Variants in BBOF1 observed in about 807,000 individuals in gnomAD.
BBOF1 encodes basal body-orientation factor 1.
In BBOF1, 62 loss-of-function variants were observed where a neutral mutation model predicts 68.0. The observed-to-expected ratio is 0.91, with a 90% CI of 0.74 to 1.13. The LOEUF (loss-of-function observed/expected upper bound fraction) is 1.13. Ranked by LOEUF, BBOF1 falls within the 50% of genes most tolerant of loss-of-function variation. BBOF1 has a pLI of 0.00. For synonymous variants in BBOF1, 208 were observed against 198.8 expected, an observed-to-expected ratio of 1.05 and a Z score of -0.39; for missense variants, 534 against 600.1, an observed-to-expected ratio of 0.89 and a Z score of 1.15.
chr14:74,076,738 T>C (rs2060617612), intron 9 of BBOF1, among the ~76,000 whole-genome samples: 1 of 151,992 alleles, frequency 6.6e-6, no homozygotes, highest in African/African-American at 2.4e-5. Context: ...TTAGTAGAGA[T>C]GGGGTTTCAC....
At chr14:74,032,466 T>C (rs1236141378) in intron 3 of BBOF1, among the ~76,000 whole-genome samples, 1 of 150,856 alleles carries the variant, frequency 6.6e-6, no homozygotes, top group Non-Finnish European at 1.5e-5. Flanking sequence ...GAGAAATGGG[T>C]ATTTTTCAAT....
rs761757358 is a variant in BBOF1 at position 74,046,144 on chromosome 14, G to A, written c.647+14G>A. Reference sequence around the variant, plus strand: ...TGAGGCTATTGTGTAAGAGACTGCTGCCTACTTTCTGACTCTGATTACCTC... The same window carrying A: ...TGAGGCTATTGTGTAAGAGACTGCTACCTACTTTCTGACTCTGATTACCTC... On this transcript the variant is annotated intron_variant, in intron 6 of 11. Transcript: ENST00000394009. 23 of 1,590,646 alleles carry A rather than the reference G, an allele frequency of 1.4e-5. 1 individual carries two copies. The South Asian group carries it at 2.0e-4, about 14-fold the overall frequency.
At chr14:74,056,784 G>T (rs545326314) in intron 9 of BBOF1, 122 bp from the exon 10 acceptor site, 2 of 665,070 alleles carry the variant, frequency 3.0e-6, no homozygotes, top group Non-Finnish European at 5.3e-6. Context: ...CCACAAATAC[G>T]TATACCTACT....
At chr14:74,049,647 G>C (rs1194473145) in intron 7 of BBOF1, 55 bp from the exon 8 acceptor site, 1 of 1,444,530 alleles carries the variant, frequency 6.9e-7, no homozygotes, top group Non-Finnish European at 9.2e-7. Flanking sequence ...GGGCGACAGA[G>C]CAAGATTCCA....
At chr14:74,021,152 G>C (rs908401453) in intron 1 of BBOF1, among the ~76,000 whole-genome samples, 1 of 152,082 alleles carries the variant, frequency 6.6e-6, no homozygotes, top group African/African-American at 2.4e-5. Flanking sequence ...ATATATCATG[G>C]TACCTACCAT....
At chr14:74,040,698 T>C in intron 5 of BBOF1, 53 bp downstream of exon 5, 1 of 1,031,862 alleles carries the variant, frequency 9.7e-7, no homozygotes. Flanking sequence ...AACATAAGTG[T>C]ATTTATATGC....
rs1404612376 is a variant in BBOF1, at chr14:74,049,895, A to G, written c.986A>G (p.Asp329Gly). The change falls in exon 8 of 12, where the codon GAC becomes GGC. Residue 329 changes from aspartate (D) to glycine (G), a missense_variant. Coordinates refer to ENST00000394009, the MANE Select transcript of BBOF1 (RefSeq NM_025057.3). ...AACCAAGCAGGTCAGGTAGAAATTG[A>G]CAAGCTGCAGCACCTTCTTCAGATG... ...IENQAGQVEI[D>G]KLQHLLQMKD... is the part of the protein sequence containing the mutation. 6 of 1,614,060 alleles carry G rather than the reference A, an allele frequency of 3.7e-6. No homozygotes were observed. Among genetic ancestry groups the G allele is most frequent in the South Asian group, 1.1e-5 (1 of 91,090 alleles).
chr14:74,055,913 G>T (rs1302633856), intron 9 of BBOF1, among the ~76,000 whole-genome samples: 3 of 152,164 alleles, frequency 2.0e-5, no homozygotes, highest in South Asian at 4.1e-4. Flanking sequence ...GGAGGGGAAA[G>T]ATTCATCTTA....
At position 74,057,205 on chromosome 14, in the gene BBOF1, T is replaced by C. The variant is rs1396607704; in HGVS notation, c.1525T>C (p.Ser509Pro). 26 of 1,613,996 alleles carry C rather than the reference T, an allele frequency of 1.6e-5. No individual in the cohort carries two copies. The highest frequency in any genetic ancestry group is 2.2e-5 in the Non-Finnish European group (26 of 1,179,994). The stretch of plus-strand genomic sequence containing the variant: ...CCAGCAAATTGCAATATCAGACTCT[T>C]CTGGTGAAGTGGTGCTACCCACTAT... Reference protein sequence around the residue: ...ITQQIAISDSSGEVVLPTIPK... With the variant: ...ITQQIAISDSPGEVVLPTIPK... The change falls in exon 11 of 12, where the codon TCT becomes CCT. Residue 509 changes from serine (S) to proline (P), a missense_variant. Ser to Pro is a moderately conservative substitution (Grantham distance 74). Transcript: ENST00000394009.
intron 11 of BBOF1, among the ~76,000 whole-genome samples, chr14:74,061,226 C>G (rs1199638667): frequency 2.0e-5 from 3 of 152,036 alleles, no homozygotes; most frequent in African/African-American, 7.2e-5. Context: ...GATCCGCCTT[C>G]CTCGGCCTCT....
intron 3 of BBOF1, among the ~76,000 whole-genome samples, 161 bp downstream of exon 3, chr14:74,029,410 T>C (rs902607265): frequency 6.6e-6 from 1 of 152,098 alleles, no homozygotes; most frequent in Non-Finnish European, 1.5e-5. Flanking sequence ...AGGCTGGGCA[T>C]GATGGCTCAT....
rs950117793 is a variant in BBOF1, at chr14:74,059,306, G to C, written c.1578+2048G>C. On this transcript the variant is annotated intron_variant, in intron 11 of 11. Transcript: ENST00000394009. The stretch of plus-strand genomic sequence containing the variant: ...AAATTTGGCAAGTAATAGCAGGTTA[G>C]ATTTGCTTAAGGCAGGTGTCTTACC... The C allele has an allele frequency of 3.3e-5, 15 of 448,134 alleles. 1 individual carries two copies. The highest frequency in any genetic ancestry group is 2.4e-4 in the South Asian group (15 of 63,110). The allele number at this position is 448,134 out of a possible 1,614,324, so 27.8% of individuals were successfully genotyped here.
At chr14:74,044,938 A>G (rs774241960) in intron 5 of BBOF1, among the ~76,000 whole-genome samples, 1 of 152,116 alleles carries the variant, frequency 6.6e-6, no homozygotes, top group Admixed American at 6.6e-5. Context: ...GGGTCTCCCT[A>G]TGTTGTTCAG....
intron 8 of BBOF1, 145 bp from the exon 9 acceptor site, chr14:74,055,439 G>A (rs746193786): frequency 4.6e-5 from 28 of 604,800 alleles, no homozygotes; most frequent in Non-Finnish European, 6.0e-5. Flanking sequence ...GTGAGCCACC[G>A]CGCCTGGCCT....
At chr14:74,021,122 T>G (rs2059284410) in intron 1 of BBOF1, among the ~76,000 whole-genome samples, 1 of 152,172 alleles carries the variant, frequency 6.6e-6, no homozygotes, top group East Asian at 1.9e-4. Context: ...GGTGAAATAT[T>G]CTTAAATATG....
At chr14:74,067,616 A>G, downstream of BBOF1, 1 of 1,596,280 alleles carries the variant, frequency 6.3e-7, no homozygotes, top group Non-Finnish European at 8.6e-7. Context: ...GGCCAAATAC[A>G]ACTAAGCTAA....
chr14:74,041,662 C>T (rs1395799129), intron 5 of BBOF1, among the ~76,000 whole-genome samples: 1 of 152,044 alleles, frequency 6.6e-6, no homozygotes, highest in East Asian at 1.9e-4. Context: ...TTCAAGCAAT[C>T]CTCCTACCTC....
intron 1 of BBOF1, among the ~76,000 whole-genome samples, chr14:74,021,589 A>C (rs1211854489): frequency 7.3e-6 from 1 of 137,340 alleles, no homozygotes; most frequent in Non-Finnish European, 1.6e-5. Flanking sequence ...ATCTTGTTTC[A>C]AAAAAAAAAA....
At chr14:74,045,935 C>A in intron 5 of BBOF1, 125 bp from the exon 6 acceptor site, 1 of 728,946 alleles carries the variant, frequency 1.4e-6, no homozygotes. Context: ...TCCACCAGTG[C>A]TTGGAGTTCT....
Sources: gnomAD v4.1 joint callset for allele counts (sites outside exome capture counted in the v4.1 genomes callset) on GRCh38, gnomAD v4.1.1 for gene constraint, MANE v1.5 for transcripts, NCBI Gene and HGNC (gene_info 2026-07-23, HGNC 2026-07-21) for gene names.